MYO3B: variants seen among roughly 807,000 people sequenced by gnomAD.
The protein encoded by MYO3B is myosin-IIIb.
A neutral mutation model predicts 174.6 loss-of-function variants in MYO3B; 156 were observed. The observed-to-expected ratio is 0.89, with a 90% confidence interval of 0.78 to 1.02. MYO3B has a LOEUF of 1.02. Ranked by LOEUF, MYO3B falls within the 50% of genes least tolerant of loss-of-function variation. The pLI is 0.00. For synonymous variants in MYO3B, 563 were observed against 569.1 expected, an observed-to-expected ratio of 0.99 and a Z score of 0.15; for missense variants, 1,632 against 1,639.4, an observed-to-expected ratio of 1.00 and a Z score of 0.08.
At chr2:170,185,169 T>TTA (rs1407931021) in intron 1 of MYO3B, among the ~76,000 whole-genome samples, 1 of 152,178 alleles carries the variant, frequency 6.6e-6, no homozygotes, top group Non-Finnish European at 1.5e-5. Flanking sequence ...TTCAGAAGTT[T>TTA]TAAACTTGAT....
rs970281601 is a variant in MYO3B, at chr2:170,407,145, A to G, written c.2521-570A>G. Among the ~76,000 whole-genome samples, 13 of 152,266 alleles carry G rather than the reference A, an allele frequency of 8.5e-5. No homozygotes were observed. The East Asian group carries it at 2.3e-3, about 27-fold the overall frequency. On this transcript the variant is annotated intron_variant, in intron 21 of 34. Transcript: ENST00000408978. ...TTTAATAATTATTCTGATGTGATTT[A>G]TCTTTGATAGTAGTCTTCAAAAAGC... is the stretch of plus-strand genomic sequence containing the variant.
At chr2:170,244,468 G>C (rs572968552) in intron 7 of MYO3B, among the ~76,000 whole-genome samples, 24 of 152,282 alleles carry the variant, frequency 1.6e-4, no homozygotes, top group African/African-American at 5.3e-4. Flanking sequence ...GGTTTCTTTG[G>C]GGAGGAGTGA....
intron 7 of MYO3B, among the ~76,000 whole-genome samples, chr2:170,241,100 C>A (rs901736690): frequency 1.3e-5 from 2 of 150,056 alleles, no homozygotes; most frequent in Non-Finnish European, 3.0e-5. Flanking sequence ...TTGCCTTTCT[C>A]TTATTTTTTC....
intron 32 of MYO3B, among the ~76,000 whole-genome samples, chr2:170,645,109 C>T (rs1281356387): frequency 2.6e-5 from 4 of 152,006 alleles, no homozygotes; most frequent in East Asian, 1.9e-4. Context: ...GGCATCTATG[C>T]GAGGTAGAAA....
chr2:170,223,133 A>T (rs1368266665), intron 6 of MYO3B, among the ~76,000 whole-genome samples: 1 of 152,130 alleles, frequency 6.6e-6, no homozygotes, highest in Non-Finnish European at 1.5e-5. Flanking sequence ...AAGCATTTTT[A>T]AAATTATTAT....
chr2:170,327,326 A>C (rs1384797698), intron 7 of MYO3B, among the ~76,000 whole-genome samples: 1 of 152,244 alleles, frequency 6.6e-6, no homozygotes, highest in Non-Finnish European at 1.5e-5. Flanking sequence ...TGGAGATTGA[A>C]GTGAGCTGAG....
Position 170,515,105 on chromosome 2 carries a change from C to T in MYO3B, c.3472+83C>T, listed in dbSNP as rs1688226241. 13 of 1,145,492 alleles carry T rather than the reference C, an allele frequency of 1.1e-5. No individual in the cohort carries two copies. In the South Asian group the frequency reaches 1.7e-4, roughly 15 times the overall value. The allele number at this position is 1,145,492 out of a possible 1,614,324, so 71.0% of individuals were successfully genotyped here. A position where few individuals can be genotyped will look rare whatever the true frequency, so the allele number is the denominator to read the frequency against. ...GTTCCAAAGCTGGAAGTGATCACCT[C>T]TTATATAAGAACCTTCTGTCCACCA... On this transcript the variant is annotated intron_variant, in intron 29 of 34. Transcript: ENST00000408978.
At chr2:170,408,948 C>T (rs2105818745) in intron 22 of MYO3B, among the ~76,000 whole-genome samples, 1 of 152,208 alleles carries the variant, frequency 6.6e-6, no homozygotes, top group African/African-American at 2.4e-5. Flanking sequence ...ATATGGAATC[C>T]CAGGAGCTCG....
intron 9 of MYO3B, among the ~76,000 whole-genome samples, chr2:170,379,521 C>T (rs77597558): frequency 0.02 from 3,033 of 152,184 alleles, 37 homozygotes; most frequent in Non-Finnish European, 0.032. Context: ...TAACTTCAAG[C>T]AAAATTATTC....
chr2:170,259,721 T>C (rs1559341520), intron 7 of MYO3B, among the ~76,000 whole-genome samples: 1 of 152,000 alleles, frequency 6.6e-6, no homozygotes, highest in Non-Finnish European at 1.5e-5. Context: ...TAAACACAAA[T>C]TGATAAGTGG....
At chr2:170,433,020 C>T (rs952931754) in intron 22 of MYO3B, among the ~76,000 whole-genome samples, 2 of 152,168 alleles carry the variant, frequency 1.3e-5, no homozygotes, top group Admixed American at 6.5e-5. Flanking sequence ...ATCACTCACT[C>T]ACTCACTGAC....
chr2:170,521,292 T>A (rs1688653534), intron 30 of MYO3B, among the ~76,000 whole-genome samples: 1 of 152,156 alleles, frequency 6.6e-6, no homozygotes, highest in Non-Finnish European at 1.5e-5. Flanking sequence ...AAAGACCTAA[T>A]ATCTCATATT....
At chr2:170,436,046 G>A (rs1271066094) in intron 22 of MYO3B, among the ~76,000 whole-genome samples, 3 of 152,302 alleles carry the variant, frequency 2.0e-5, no homozygotes, top group Middle Eastern at 6.8e-3. Flanking sequence ...TTTCTTTTAA[G>A]TTGGAAGCAG....
rs1370707326 is a variant in MYO3B, at chr2:170,444,050, A to C, written c.2730+4A>C. On this transcript the variant is annotated splice_donor_region_variant and intron_variant, in intron 23 of 34. Coordinates refer to ENST00000408978, the MANE Select transcript of MYO3B (RefSeq NM_138995.5). Reference sequence around the variant, plus strand: ...TTTCAGTGCTGGGAAAGCCAAGGTGAGTAACAGATTTGCACCAAATATAGT... The same window carrying C: ...TTTCAGTGCTGGGAAAGCCAAGGTGCGTAACAGATTTGCACCAAATATAGT... The C allele has an allele frequency of 6.2e-7, 1 of 1,611,974 alleles. No homozygotes were observed. Among genetic ancestry groups the C allele is most frequent in the Admixed American group, 1.7e-5 (1 of 59,992 alleles).
At chr2:170,649,169 A>ATG (rs1491564787) in intron 32 of MYO3B, among the ~76,000 whole-genome samples, 1 of 61,014 alleles carries the variant, frequency 1.6e-5, no homozygotes, top group Non-Finnish European at 2.5e-5. Flanking sequence ...ATAATATATA[A>ATG]TATATTATAT....
intron 32 of MYO3B, among the ~76,000 whole-genome samples, chr2:170,621,095 G>C (rs575575294): frequency 2.0e-5 from 3 of 152,122 alleles, no homozygotes; most frequent in East Asian, 3.9e-4. Flanking sequence ...CACCATCTCG[G>C]CCAGGCTGGT....
At chr2:170,414,090 G>A (rs1269655161) in intron 22 of MYO3B, among the ~76,000 whole-genome samples, 1 of 152,050 alleles carries the variant, frequency 6.6e-6, no homozygotes, top group East Asian at 1.9e-4. Flanking sequence ...AATTGCTTTT[G>A]CACCATTGTC....
At chr2:170,376,695 G>A (rs2094296219) in intron 9 of MYO3B, among the ~76,000 whole-genome samples, 1 of 151,600 alleles carries the variant, frequency 6.6e-6, no homozygotes, top group Admixed American at 6.6e-5. Context: ...ACTTTTTGCA[G>A]TTCCACTCTT....
intron 7 of MYO3B, among the ~76,000 whole-genome samples, chr2:170,290,830 A>G (rs994960565): frequency 6.6e-6 from 1 of 151,928 alleles, no homozygotes; most frequent in South Asian, 2.1e-4. Flanking sequence ...ATTCTTAGTG[A>G]ATCTATTATA....
Sources: allele counts gnomAD v4.1 joint callset (sites outside exome capture counted in the v4.1 genomes callset), GRCh38; gene constraint gnomAD v4.1.1; transcripts MANE v1.5; gene names NCBI Gene and HGNC (gene_info 2026-07-23, HGNC 2026-07-21).